Variants in TRMT44 observed in about 807,000 individuals in gnomAD.
The protein encoded by TRMT44 is probable tRNA (uracil-O(2)-)-methyltransferase.
TRMT44 carries 78 observed loss-of-function variants against 77.3 expected under a neutral mutation model. The observed-to-expected ratio is 1.01, with a 90% CI of 0.84 to 1.22. TRMT44 has a LOEUF of 1.22. Among genes scored for constraint, TRMT44 ranks in the 50% most tolerant of loss-of-function variants. The pLI is 0.00. For missense variants in TRMT44, 1,090 were observed against 964.4 expected (o/e 1.13, Z -1.73); for synonymous variants, 391 against 383.3 (o/e 1.02, Z -0.23).
intron 1 of TRMT44, among the ~76,000 whole-genome samples, chr4:8,442,572 G>C (rs997304945): frequency 1.3e-5 from 2 of 152,212 alleles, no homozygotes; most frequent in Non-Finnish European, 2.9e-5. Context: ...TCTCCGCTGT[G>C]GGTCTCTCTC....
intron 2 of TRMT44, among the ~76,000 whole-genome samples, chr4:8,447,568 C>T (rs1448509995): frequency 1.3e-5 from 2 of 152,120 alleles, no homozygotes; most frequent in Non-Finnish European, 2.9e-5. Context: ...GCTCTACCTC[C>T]TGGCCCTCTG....
chr4:8,482,968 G>T (rs148116097), intron 2 of TRMT44, among the ~76,000 whole-genome samples: 3,365 of 152,042 alleles, frequency 0.022, 68 homozygotes, highest in African/African-American at 0.052. Context: ...CGAGTGGGAT[G>T]AGGGGCGGTG....
At position 8,472,605 on chromosome 4, in the gene TRMT44, G is replaced by A. The variant is rs536317618; in HGVS notation, c.2044+1405G>A. Among the ~76,000 whole-genome samples the A allele has an allele frequency of 8.7e-4, 133 of 152,348 alleles. 1 individual carries two copies. The highest frequency in any genetic ancestry group is 1.5e-3 in the Non-Finnish European group (104 of 68,034). On this transcript the variant is annotated intron_variant, in intron 10 of 10. Transcript: ENST00000389737. ...ACACACACACTGCCTTTGTGTGCCTGCCTGCTCCTGGAGAGCTGAACTTGG... is the reference window on the plus strand; with the variant it reads ...ACACACACACTGCCTTTGTGTGCCTACCTGCTCCTGGAGAGCTGAACTTGG...
intron 6 of TRMT44, 59 bp from the exon 7 acceptor site, chr4:8,463,926 C>T (rs925088036): frequency 7.0e-7 from 1 of 1,437,088 alleles, no homozygotes; most frequent in Non-Finnish European, 9.7e-7. Context: ...ATGTCCTGCC[C>T]ACGCAGTAGC....
At chr4:8,502,693 G>A in the TRMT44 span, among the ~76,000 whole-genome samples, 1 of 152,274 alleles carries the variant, frequency 6.6e-6, no homozygotes, top group Non-Finnish European at 1.5e-5. Flanking sequence ...CTCTCCCAGG[G>A]CCAGCTCACA....
At chr4:8,501,494 T>C in the TRMT44 span, among the ~76,000 whole-genome samples, 5 of 152,284 alleles carry the variant, frequency 3.3e-5, no homozygotes, top group Admixed American at 6.5e-5. This position sits in a 1 kb window ranked among gnomAD's most constrained non-coding sequence, Gnocchi z 4.4. Context: ...ATGAGGATAA[T>C]CTTGGCAGAG....
intron 2 of TRMT44, among the ~76,000 whole-genome samples, chr4:8,490,953 G>A (rs1024171836): frequency 2.0e-5 from 3 of 151,814 alleles, no homozygotes; most frequent in East Asian, 3.9e-4. Context: ...AAGGTTCTCC[G>A]AGGCCCCACC....
Position 8,441,433 on chromosome 4 carries a change from T to C in TRMT44, c.611T>C (p.Val204Ala). 6.6e-7 allele frequency: 1 copy of C among 1,513,670 alleles called. No homozygotes were observed. The highest frequency in any genetic ancestry group is 1.2e-5 in the South Asian group (1 of 81,576). 93.8% of individuals were successfully genotyped at this position (1,513,670 alleles called of 1,614,324 possible). The part of the protein sequence containing the change: ...CPLTTPRREI[V>A]VQDVLNGTIT... Reference sequence around the variant, plus strand: ...CTTACAACTCCCAGGAGGGAAATAGTCGTGCAAGGTAAGAGTGTTTTGATA... The same window carrying C: ...CTTACAACTCCCAGGAGGGAAATAGCCGTGCAAGGTAAGAGTGTTTTGATA... The change falls in exon 1 of 11, where the codon GTC (valine) becomes GCC (alanine). Residue 204 changes from valine (V) to alanine (A), a missense_variant. Val to Ala is a moderately conservative substitution (Grantham distance 64). Coordinates refer to ENST00000389737, the MANE Select transcript of TRMT44 (RefSeq NM_152544.3).
intron 3 of TRMT44, among the ~76,000 whole-genome samples, chr4:8,450,786 T>C (rs753168241): frequency 8.9e-5 from 13 of 145,704 alleles, no homozygotes; most frequent in Admixed American, 5.0e-4. Flanking sequence ...AATTTGTCAT[T>C]TCCATGTTTT....
the TRMT44 span, chr4:8,512,005 T>A: frequency 6.6e-6 from 1 of 152,208 alleles, no homozygotes; most frequent in South Asian, 2.1e-4. Flanking sequence ...CTTTGTCATA[T>A]GTTGAATTTT....
chr4:8,499,706 A>G, the TRMT44 span, among the ~76,000 whole-genome samples: 11 of 152,322 alleles, frequency 7.2e-5, 1 homozygote, highest in Middle Eastern at 0.014. Context: ...TGGGAACTAA[A>G]TAATGAGAAC....
the TRMT44 span, among the ~76,000 whole-genome samples, chr4:8,511,164 A>G: frequency 1.3e-5 from 2 of 152,192 alleles, no homozygotes; most frequent in Non-Finnish European, 2.9e-5. Context: ...ATGCTTAGTG[A>G]TGTGGCAGAT....
the TRMT44 span, among the ~76,000 whole-genome samples, chr4:8,511,489 G>A: frequency 1.3e-5 from 2 of 152,108 alleles, no homozygotes; most frequent in Non-Finnish European, 2.9e-5. Flanking sequence ...AGATGGGGAG[G>A]TTATCCTGGC....
chr4:8,475,951 C>T lies in TRMT44; in HGVS notation c.2224C>T (p.Pro742Ser), dbSNP rs976833653. 4 of 1,614,026 alleles carry T rather than the reference C, an allele frequency of 2.5e-6. No homozygotes were observed. The highest frequency in any genetic ancestry group is 3.4e-6 in the Non-Finnish European group (4 of 1,180,044). The change falls in exon 11 of 11, where the codon CCT (proline) becomes TCT (serine). Residue 742 changes from proline (P) to serine (S), a missense_variant. Transcript: ENST00000389737. ...GGACTGCTGCCCGTTTGCCCATGGGCCTGCGGAGCTGCGGCCACCCCGGAC... is the reference window on the plus strand; with the variant it reads ...GGACTGCTGCCCGTTTGCCCATGGGTCTGCGGAGCTGCGGCCACCCCGGAC... ...STDCCPFAHG[P>S]AELRPPRTTP...
chr4:8,501,324 G>A, the TRMT44 span, among the ~76,000 whole-genome samples: 13 of 152,154 alleles, frequency 8.5e-5, no homozygotes, highest in African/African-American at 3.1e-4. The surrounding 1 kb of genome is among the most constrained non-coding windows in gnomAD (Gnocchi z 4.4). Flanking sequence ...CCTGCAGTTC[G>A]AAGTCTGAGA....
downstream of TRMT44, among the ~76,000 whole-genome samples, chr4:8,479,878 TTTTTA>T (rs1170019381): frequency 6.6e-6 from 1 of 152,198 alleles, no homozygotes; most frequent in East Asian, 1.9e-4. Context: ...ATTTTTCCTT[TTTTTA>T]TTTTGTTTTT....
At chr4:8,503,082 C>T in the TRMT44 span, among the ~76,000 whole-genome samples, 1 of 152,224 alleles carries the variant, frequency 6.6e-6, no homozygotes, top group African/African-American at 2.4e-5. Flanking sequence ...CTGGCTGTGA[C>T]CCTGGGCTGC....
rs368691841 is a variant in TRMT44, at chr4:8,464,083, T to A, written c.1302T>A (p.Ile434=). ...AACTCACACCATGGATACCTGTCAT[T>A]GCAGCCAGGTGAGAAGTAGAGGAGT... ...SDELTPWIPV[I]AARSSYNCRF... Residue 434 remains isoleucine (I), a synonymous_variant, in exon 7 of 11, where the codon ATT becomes ATA. Coordinates refer to ENST00000389737, the MANE Select transcript of TRMT44 (RefSeq NM_152544.3). The A allele has an allele frequency of 2.0e-5, 33 of 1,613,326 alleles. No homozygotes were observed. The highest frequency in any genetic ancestry group is 2.7e-5 in the Non-Finnish European group (32 of 1,179,514).
downstream of TRMT44, among the ~76,000 whole-genome samples, chr4:8,479,988 C>G (rs899985967): frequency 2.6e-5 from 4 of 152,100 alleles, no homozygotes; most frequent in African/African-American, 9.7e-5. Context: ...CTTAATTGAT[C>G]TCCTGCCTCA....
Sources: gnomAD v4.1 joint callset for allele counts (sites outside exome capture counted in the v4.1 genomes callset) on GRCh38, gnomAD v4.1.1 for gene constraint, Gnocchi (gnomAD v3.1) non-coding constraint, MANE v1.5 for transcripts, NCBI Gene and HGNC (gene_info 2026-07-23, HGNC 2026-07-21) for gene names.